DNAJC6: variants seen among roughly 807,000 people sequenced by gnomAD.
The protein encoded by DNAJC6 is auxilin.
In DNAJC6, 34 loss-of-function variants were observed where a neutral mutation model predicts 110.0. That is an observed-to-expected ratio of 0.31 (90% CI 0.24 to 0.41). The LOEUF (loss-of-function observed/expected upper bound fraction) is 0.41. Among genes scored for constraint, DNAJC6 ranks in the 10% least tolerant of loss-of-function variants. DNAJC6 has a pLI of 1.00. For missense variants in DNAJC6, 1,031 were observed against 1,207.8 expected, an observed-to-expected ratio of 0.85 and a Z score of 2.17; for synonymous variants, 406 against 437.2, an observed-to-expected ratio of 0.93 and a Z score of 0.89.
At chr1:65,289,815 T>C (rs373883544) in intron 1 of DNAJC6, among the ~76,000 whole-genome samples, 1 of 151,502 alleles carries the variant, frequency 6.6e-6, no homozygotes, top group East Asian at 1.9e-4. Context: ...CATTGTTGTT[T>C]TTTTTTTTTT....
chr1:65,321,423 AG>A (rs3054311), intron 1 of DNAJC6, among the ~76,000 whole-genome samples: 111,280 of 151,700 alleles, frequency 0.73, 40,819 homozygotes, highest in East Asian at 0.83. Flanking sequence ...GACGGTCTTG[AG>A]ACCTCAAGGA....
At chr1:65,272,799 CA>C (rs1187933101) in intron 1 of DNAJC6, among the ~76,000 whole-genome samples, 2 of 152,224 alleles carry the variant, frequency 1.3e-5, no homozygotes, top group Admixed American at 6.5e-5. Flanking sequence ...CTTGGCCTCT[CA>C]AAGTGTTGGG....
rs764637105 is a variant in DNAJC6 at position 65,386,848 on chromosome 1, C to T, written c.1032C>T (p.Pro344=). 1.9e-6 allele frequency: 3 copies of T among 1,614,164 alleles called. No homozygotes were observed. The South Asian group carries it at 3.3e-5, about 18-fold the overall frequency. The change falls in exon 8 of 19, where the codon CCC becomes CCT. Residue 344 remains proline, a synonymous_variant. Coordinates refer to ENST00000371069, the MANE Select transcript of DNAJC6 (RefSeq NM_001256864.2). ...YRVQDGKIFI[P]LNITVQGDVV... The stretch of plus-strand genomic sequence containing the variant: ...TCCAAGATGGAAAAATCTTCATTCC[C>T]TTGAACATCACTGTGCAAGGAGACG...
At chr1:65,341,044 A>C (rs1334498546) in intron 1 of DNAJC6, among the ~76,000 whole-genome samples, 5 of 152,186 alleles carry the variant, frequency 3.3e-5, no homozygotes, top group African/African-American at 1.2e-4. Flanking sequence ...CGGGTTATGC[A>C]ACCTCTCTGA....
At chr1:65,377,136 T>C (rs1374623224) in intron 4 of DNAJC6, among the ~76,000 whole-genome samples, 2 of 152,212 alleles carry the variant, frequency 1.3e-5, no homozygotes, top group African/African-American at 2.4e-5. Context: ...TTCCATGTGC[T>C]AATGAAAAGA....
intron 1 of DNAJC6, among the ~76,000 whole-genome samples, chr1:65,344,918 C>T (rs116509635): frequency 0.014 from 2,148 of 152,208 alleles, 31 homozygotes; most frequent in Middle Eastern, 0.031. Flanking sequence ...CATTTCAAAT[C>T]CCCATCCAAT....
Position 65,413,136 on chromosome 1 carries a change from T to C in DNAJC6, c.*111T>C. The C allele has an allele frequency of 1.2e-6, 1 of 819,134 alleles. No individual in the cohort carries two copies. Among genetic ancestry groups the C allele is most frequent in the Non-Finnish European group, 2.0e-6 (1 of 510,616 alleles). 50.7% of individuals were successfully genotyped at this position (819,134 alleles called of 1,614,324 possible). On this transcript the variant is annotated 3_prime_UTR_variant, in exon 19 of 19. Transcript: ENST00000371069. ...AACTCCAGTAACATGTTTTCAGTAC[T>C]AAACCGTTAAGTTACTCATGAATTA...
chr1:65,327,515 T>C (rs1413974776), intron 1 of DNAJC6, among the ~76,000 whole-genome samples: 1 of 152,172 alleles, frequency 6.6e-6, no homozygotes, highest in African/African-American at 2.4e-5. Context: ...ACTTTTGAAA[T>C]TGTGCATTGT....
intron 1 of DNAJC6, among the ~76,000 whole-genome samples, chr1:65,315,533 AC>A (rs1223321345): frequency 1.3e-5 from 2 of 152,220 alleles, no homozygotes; most frequent in African/African-American, 4.8e-5. Context: ...GTATGTGTAT[AC>A]CATTAGAATT....
chr1:65,363,342 A>G (rs1223154758), intron 1 of DNAJC6, among the ~76,000 whole-genome samples: 1 of 152,186 alleles, frequency 6.6e-6, no homozygotes, highest in Admixed American at 6.5e-5. Context: ...GGGACCCAGA[A>G]GTCATGGACA....
intron 5 of DNAJC6, among the ~76,000 whole-genome samples, chr1:65,380,890 G>GTTTTTTTTGTTTTGTTTTTTTTTTTT (rs1557551919): frequency 1.7e-5 from 2 of 118,758 alleles, no homozygotes; most frequent in South Asian, 2.8e-4. Flanking sequence ...GGGGGAGGGA[G>GTTTTTTTTGTTTTGTTTTTTTTTTTT]TTTTTTTTTT....
chr1:65,358,563 T>TA (rs1458720691), intron 1 of DNAJC6, among the ~76,000 whole-genome samples: 4 of 152,224 alleles, frequency 2.6e-5, no homozygotes, highest in Non-Finnish European at 5.9e-5. Context: ...CAGTTGTTAT[T>TA]ATTTTATGTT....
intron 1 of DNAJC6, among the ~76,000 whole-genome samples, chr1:65,347,417 T>A (rs112312886): frequency 1.3e-5 from 2 of 151,858 alleles, no homozygotes; most frequent in East Asian, 1.9e-4. Context: ...TTTTTTTTTT[T>A]ACTTCATCAG....
chr1:65,402,023 T>C, intron 15 of DNAJC6, 143 bp downstream of exon 15: 1 of 1,169,176 alleles, frequency 8.6e-7, no homozygotes, highest in East Asian at 2.8e-5. Context: ...CTCTGAAACC[T>C]GAGATTGGCT....
intron 1 of DNAJC6, among the ~76,000 whole-genome samples, chr1:65,340,045 A>G (rs557767737): frequency 6.6e-6 from 1 of 152,284 alleles, no homozygotes; most frequent in African/African-American, 2.4e-5. Context: ...AGTTCATGGG[A>G]CCTTGGAGAG....
At chr1:65,266,641 A>C (rs1254025337) in intron 1 of DNAJC6, among the ~76,000 whole-genome samples, 1 of 152,136 alleles carries the variant, frequency 6.6e-6, no homozygotes, top group Non-Finnish European at 1.5e-5. Context: ...TCTAGGAAGA[A>C]TGTTGGATTT....
chr1:65,267,716 C>G (rs1653381858), intron 1 of DNAJC6, among the ~76,000 whole-genome samples: 1 of 152,032 alleles, frequency 6.6e-6, no homozygotes, highest in African/African-American at 2.4e-5. Context: ...AATAGTTTTC[C>G]TCAGATTTTT....
At chr1:65,304,957 T>A (rs1205663779), upstream of DNAJC6, among the ~76,000 whole-genome samples, 2 of 152,238 alleles carry the variant, frequency 1.3e-5, no homozygotes, top group Non-Finnish European at 2.9e-5. Flanking sequence ...CAGAGATGGC[T>A]TGATGTTCCC....
At chr1:65,272,788 C>T (rs565991870) in intron 1 of DNAJC6, among the ~76,000 whole-genome samples, 2 of 152,344 alleles carry the variant, frequency 1.3e-5, no homozygotes, top group Non-Finnish European at 2.9e-5. Flanking sequence ...GATCCTGCCA[C>T]CTTGGCCTCT....
Sources: allele counts gnomAD v4.1 joint callset (sites outside exome capture counted in the v4.1 genomes callset), GRCh38; gene constraint gnomAD v4.1.1; transcripts MANE v1.5; gene names NCBI Gene and HGNC (gene_info 2026-07-23, HGNC 2026-07-21).